Variants in ZNF609 observed in about 807,000 individuals in gnomAD.
ZNF609 encodes the protein zinc finger protein 609.
In ZNF609, 11 loss-of-function variants were observed where a neutral mutation model predicts 109.5. That is an observed-to-expected ratio of 0.10 (90% CI 0.06 to 0.17). The LOEUF (loss-of-function observed/expected upper bound fraction) is 0.17, where lower values mean the gene tolerates loss of function less well. Among genes scored for constraint, ZNF609 ranks in the 10% least tolerant of loss-of-function variants. The probability of loss-of-function intolerance (pLI) is 1.00; values close to 1 mark genes in which losing one functional copy is unlikely to be tolerated. For synonymous variants in ZNF609, 646 were observed against 662.0 expected, an observed-to-expected ratio of 0.98 and a Z score of 0.37; for missense variants, 1,559 against 1,772.4, an observed-to-expected ratio of 0.88 and a Z score of 2.16.
At chr15:64,659,797 A>G (rs947385973) in intron 3 of ZNF609, among the ~76,000 whole-genome samples, 1 of 152,052 alleles carries the variant, frequency 6.6e-6, no homozygotes, top group Non-Finnish European at 1.5e-5. Context: ...TTAATTTTCA[A>G]AACATTTTTT....
intron 3 of ZNF609, among the ~76,000 whole-genome samples, chr15:64,661,046 C>T (rs1390282098): frequency 4.6e-5 from 7 of 152,158 alleles, no homozygotes; most frequent in African/African-American, 1.7e-4. Flanking sequence ...GCTGCAACAT[C>T]CACCTCCTGG....
rs111654333 is a variant in ZNF609, at chr15:64,519,551, G to C, written c.747+19385G>C. Among the ~76,000 whole-genome samples the C allele has an allele frequency of 4.9e-3, 740 of 152,160 alleles. 3 individuals are homozygous for C. Among genetic ancestry groups the C allele is most frequent in the Middle Eastern group, 0.02 (6 of 294 alleles). On this transcript the variant is annotated intron_variant, in intron 2 of 9. Coordinates refer to ENST00000326648, the MANE Select transcript of ZNF609 (RefSeq NM_015042.2). ...CTGAAAGAGGTTATAGAACTTGCTT[G>C]GTTCTGTAGTTAGAATTGGTTTTAT... is the stretch of plus-strand genomic sequence containing the variant.
At position 64,575,503 on chromosome 15, in the gene ZNF609, A is replaced by G. The variant is rs567551007; in HGVS notation, c.748-47324A>G. ...TTTTGCACATACAGAATTTCTGGCAATAATAATCTTTTGGACACAGGATGG... is the reference window on the plus strand; with the variant it reads ...TTTTGCACATACAGAATTTCTGGCAGTAATAATCTTTTGGACACAGGATGG... On this transcript the variant is annotated intron_variant, in intron 2 of 9. Transcript: ENST00000326648. 3.3e-5 allele frequency among the ~76,000 whole-genome samples: 5 copies of G among 152,278 alleles called. No homozygotes were observed. In the East Asian group the frequency reaches 7.7e-4, roughly 23 times the overall value.
rs746207268 is a variant in ZNF609, at chr15:64,676,027, A to T, written c.3173A>T (p.Asp1058Val). Reference protein sequence around the residue: ...PTLTKAPSLTDLVKSGPGKAK... With the variant: ...PTLTKAPSLTVLVKSGPGKAK... The stretch of plus-strand genomic sequence containing the variant: ...CTCACCAAGGCCCCCAGCCTGACAG[A>T]CCTGGTGAAATCAGGACCTGGCAAG... The change falls in exon 5 of 10, where the codon GAC becomes GTC. Residue 1058 changes from aspartate to valine, a missense_variant. Around this residue, in one of 4 missense-constraint regions of ZNF609, gnomAD observed 1,204 missense variants for 1,314.1 expected, o/e 0.92. Transcript: ENST00000326648. 2 of 1,614,194 alleles carry T rather than the reference A, an allele frequency of 1.2e-6. No homozygotes were observed. The highest frequency in any genetic ancestry group is 1.7e-6 in the Non-Finnish European group (2 of 1,180,034).
At chr15:64,497,022 C>T (rs1004743194) in intron 1 of ZNF609, among the ~76,000 whole-genome samples, 4 of 152,130 alleles carry the variant, frequency 2.6e-5, no homozygotes, top group African/African-American at 7.2e-5. Flanking sequence ...GCCATGTTGC[C>T]CAGACTGGTC....
chr15:64,629,105 C>T (rs1896022560), intron 3 of ZNF609, among the ~76,000 whole-genome samples: 1 of 152,172 alleles, frequency 6.6e-6, no homozygotes, highest in South Asian at 2.1e-4. Context: ...TCTCATTTCT[C>T]TTTATAACTG....
Position 64,506,276 on chromosome 15 carries a change from C to A in ZNF609, c.747+6110C>A, listed in dbSNP as rs965843248. 7.3e-5 allele frequency among the ~76,000 whole-genome samples: 11 copies of A among 151,382 alleles called. No individual in the cohort carries two copies. The East Asian group carries it at 2.0e-3, about 28-fold the overall frequency. On this transcript the variant is annotated intron_variant, in intron 2 of 9. Coordinates refer to ENST00000326648, the MANE Select transcript of ZNF609 (RefSeq NM_015042.2). Reference sequence around the variant, plus strand: ...TAGCTGGGATTACAGGCATGCACCACCATGCCTGGCTAATTTTTGTATTTT... The same window carrying A: ...TAGCTGGGATTACAGGCATGCACCAACATGCCTGGCTAATTTTTGTATTTT...
At chr15:64,465,057 C>T (rs1051831853) in intron 1 of ZNF609, among the ~76,000 whole-genome samples, 2 of 152,228 alleles carry the variant, frequency 1.3e-5, no homozygotes, top group African/African-American at 4.8e-5. Context: ...TGGCCCTACA[C>T]GGCTCTATTG....
intron 1 of ZNF609, among the ~76,000 whole-genome samples, chr15:64,481,535 G>T (rs910694233): frequency 2.0e-5 from 3 of 151,842 alleles, no homozygotes; most frequent in African/African-American, 7.3e-5. Flanking sequence ...GGTCAGGCTG[G>T]TCTCGAACTC....
intron 2 of ZNF609, chr15:64,529,771 C>T: frequency 1.9e-6 from 1 of 514,594 alleles, no homozygotes; most frequent in Non-Finnish European, 3.7e-6. Context: ...ACTCTTGTTA[C>T]CCAGGCTGGA....
At chr15:64,527,294 T>TC (rs138646499) in intron 2 of ZNF609, among the ~76,000 whole-genome samples, 16,200 of 149,306 alleles carry the variant, frequency 0.11, 1,183 homozygotes, top group Middle Eastern at 0.17. Flanking sequence ...TCAGCTACAC[T>TC]CCATTTCCAA....
At chr15:64,513,131 T>C (rs1055600013) in intron 2 of ZNF609, among the ~76,000 whole-genome samples, 2 of 152,222 alleles carry the variant, frequency 1.3e-5, no homozygotes, top group Non-Finnish European at 2.9e-5. Flanking sequence ...ATCTGTACTT[T>C]AGATGGATCT....
chr15:64,524,593 G>T (rs570029804), intron 2 of ZNF609, among the ~76,000 whole-genome samples: 12 of 150,126 alleles, frequency 8.0e-5, no homozygotes, highest in African/African-American at 2.9e-4. Context: ...GGGGCCTTTT[G>T]TGTCTGACTC....
intron 1 of ZNF609, among the ~76,000 whole-genome samples, chr15:64,485,958 A>G (rs1893326731): frequency 6.6e-6 from 1 of 152,114 alleles, no homozygotes; most frequent in African/African-American, 2.4e-5. Context: ...TTTTGTATAT[A>G]TGTGTTTTCA....
intron 1 of ZNF609, among the ~76,000 whole-genome samples, chr15:64,467,835 C>G (rs1402466869): frequency 6.6e-6 from 1 of 152,102 alleles, no homozygotes; most frequent in East Asian, 1.9e-4. Flanking sequence ...CAGAGCAAGG[C>G]TCTGTCAAAA....
chr15:64,549,430 C>G (rs1180199619), intron 2 of ZNF609, among the ~76,000 whole-genome samples: 1 of 152,146 alleles, frequency 6.6e-6, no homozygotes, highest in Non-Finnish European at 1.5e-5. Context: ...CCCACCAAGG[C>G]CTCCCAAAGT....
At chr15:64,669,117 A>C (rs1054146462) in intron 3 of ZNF609, among the ~76,000 whole-genome samples, 1 of 152,088 alleles carries the variant, frequency 6.6e-6, no homozygotes, top group Non-Finnish European at 1.5e-5. Context: ...TGGGTATATG[A>C]ATGAGTATGT....
intron 2 of ZNF609, among the ~76,000 whole-genome samples, chr15:64,526,658 G>C (rs1001184053): frequency 7.9e-5 from 12 of 151,916 alleles, no homozygotes; most frequent in Admixed American, 1.3e-4. Context: ...CTGTCACCCA[G>C]GCTGGAGTGC....
chr15:64,565,902 G>A (rs1465253883), intron 2 of ZNF609, among the ~76,000 whole-genome samples: 1 of 152,054 alleles, frequency 6.6e-6, no homozygotes, highest in Non-Finnish European at 1.5e-5. Context: ...AGGCTAGAGT[G>A]CAGTGATACA....
Sources: allele counts gnomAD v4.1 joint callset (sites outside exome capture counted in the v4.1 genomes callset), GRCh38; gene constraint gnomAD v4.1.1; regional missense constraint gnomAD v4.1.1; transcripts MANE v1.5; gene names NCBI Gene and HGNC (gene_info 2026-07-23, HGNC 2026-07-21).